Variants in WWOX observed in about 807,000 individuals in gnomAD.
WWOX encodes WW domain containing oxidoreductase, also known as WW domain-containing oxidoreductase.
WWOX carries 69 observed loss-of-function variants against 46.2 expected under a neutral mutation model. The ratio of observed to expected loss-of-function variants is 1.49; its 90% CI spans 1.23 to 1.82. The LOEUF is 1.82. Ranked by LOEUF, WWOX falls within the 40% of genes most tolerant of loss-of-function variation. The pLI, the probability that WWOX is intolerant of heterozygous loss-of-function variation, is 0.00. For synonymous variants in WWOX, 359 were observed against 202.6 expected, an observed-to-expected ratio of 1.77 and a Z score of -6.56; for missense variants, 919 against 542.6, an observed-to-expected ratio of 1.69 and a Z score of -6.89.
At chr16:78,246,451 G>A (rs1277157665) in intron 5 of WWOX, among the ~76,000 whole-genome samples, 1 of 152,102 alleles carries the variant, frequency 6.6e-6, no homozygotes, top group Non-Finnish European at 1.5e-5. Context: ...GAAGAGGGGG[G>A]AAACCTGTTG....
At chr16:78,640,588 C>G (rs773090445) in intron 8 of WWOX, among the ~76,000 whole-genome samples, 1 of 152,060 alleles carries the variant, frequency 6.6e-6, no homozygotes, top group Non-Finnish European at 1.5e-5. Flanking sequence ...CACACATTTA[C>G]CTATGTAACA....
At chr16:78,328,507 G>A (rs72792371) in intron 5 of WWOX, among the ~76,000 whole-genome samples, 4,593 of 152,238 alleles carry the variant, frequency 0.03, 122 homozygotes, top group African/African-American at 0.071. Flanking sequence ...TGATAATAGA[G>A]ATAATCCTGT....
chr16:78,995,408 A>G (rs2046970625), intron 8 of WWOX, among the ~76,000 whole-genome samples: 2 of 152,138 alleles, frequency 1.3e-5, no homozygotes, highest in Non-Finnish European at 1.5e-5. Flanking sequence ...GAAGATGAAA[A>G]GAAAGCCTTC....
chr16:78,596,620 A>G (rs55637758), intron 8 of WWOX, among the ~76,000 whole-genome samples: 2 of 152,306 alleles, frequency 1.3e-5, no homozygotes, highest in East Asian at 1.9e-4. Context: ...GACCTATGGA[A>G]CATGCTGATT....
At chr16:79,008,858 C>G (rs547300227) in intron 8 of WWOX, among the ~76,000 whole-genome samples, 1 of 151,374 alleles carries the variant, frequency 6.6e-6, no homozygotes, top group African/African-American at 2.4e-5. Flanking sequence ...GGTGGCAGGG[C>G]CTTTAATTGG....
At chr16:79,118,272 G>T (rs897673226) in intron 8 of WWOX, among the ~76,000 whole-genome samples, 2 of 152,224 alleles carry the variant, frequency 1.3e-5, no homozygotes, top group Non-Finnish European at 2.9e-5. Flanking sequence ...GAGAACAGCA[G>T]GTTGCTGGAG....
intron 8 of WWOX, among the ~76,000 whole-genome samples, chr16:79,035,614 A>G (rs2047851004): frequency 1.3e-5 from 2 of 152,288 alleles, no homozygotes; most frequent in South Asian, 4.1e-4. Flanking sequence ...ATCTTGGCTC[A>G]CTGCAACCTC....
chr16:78,133,590 T>G (rs2033684196), intron 4 of WWOX, among the ~76,000 whole-genome samples: 1 of 152,098 alleles, frequency 6.6e-6, no homozygotes, highest in Non-Finnish European at 1.5e-5. Flanking sequence ...GAGATGGGGT[T>G]TCACCATGTT....
At chr16:79,018,616 C>T (rs1055593098) in intron 8 of WWOX, among the ~76,000 whole-genome samples, 1 of 152,124 alleles carries the variant, frequency 6.6e-6, no homozygotes, top group Non-Finnish European at 1.5e-5. Flanking sequence ...GTCTATAAGA[C>T]ACCACCATTT....
intron 8 of WWOX, among the ~76,000 whole-genome samples, chr16:78,592,971 G>A (rs532354144): frequency 1.2e-4 from 19 of 152,290 alleles, no homozygotes; most frequent in African/African-American, 3.8e-4. Flanking sequence ...CTCTCCCAGT[G>A]GTGGTGATTT....
At position 78,260,756 on chromosome 16, in the gene WWOX, T is replaced by A. The variant is rs997148054; in HGVS notation, c.516+96467T>A. Among the ~76,000 whole-genome samples the A allele has an allele frequency of 4.0e-5, 6 of 149,916 alleles. 1 individual carries two copies. The highest frequency in any genetic ancestry group is 1.5e-4 in the African/African-American group (6 of 40,416). ...GAGTTTGAACCTAGCCTGGGCAACATGGTGAAACCCCGTCTGTACCAAACA... is the reference window on the plus strand; with the variant it reads ...GAGTTTGAACCTAGCCTGGGCAACAAGGTGAAACCCCGTCTGTACCAAACA... On this transcript the variant is annotated intron_variant, in intron 5 of 8. Coordinates refer to ENST00000566780, the MANE Select transcript of WWOX (RefSeq NM_016373.4).
At chr16:78,762,753 C>T (rs547007076) in intron 8 of WWOX, among the ~76,000 whole-genome samples, 1 of 152,196 alleles carries the variant, frequency 6.6e-6, no homozygotes, top group South Asian at 2.1e-4. Flanking sequence ...TACTACATCC[C>T]AGCTGTGTAT....
At chr16:78,938,031 C>G (rs572785557) in intron 8 of WWOX, among the ~76,000 whole-genome samples, 1 of 152,178 alleles carries the variant, frequency 6.6e-6, no homozygotes, top group African/African-American at 2.4e-5. Flanking sequence ...CCTCACCGTC[C>G]TATGGGGAGA....
chr16:78,543,329 A>C (rs1267581631), intron 8 of WWOX, among the ~76,000 whole-genome samples: 1 of 152,210 alleles, frequency 6.6e-6, no homozygotes, highest in Non-Finnish European at 1.5e-5. Context: ...GGAATGTCTC[A>C]TCCCCCTGTG....
chr16:78,389,570 A>G (rs973883059), intron 6 of WWOX, among the ~76,000 whole-genome samples: 5 of 152,140 alleles, frequency 3.3e-5, no homozygotes, highest in African/African-American at 1.2e-4. Context: ...TTTTGATTCA[A>G]TTCTCAAAGC....
At chr16:79,204,809 A>G (rs1013222342) in intron 8 of WWOX, 1 of 152,160 alleles carries the variant, frequency 6.6e-6, no homozygotes, top group Non-Finnish European at 1.5e-5. Context: ...AAGTTTTAGG[A>G]AAGAATTCTT....
chr16:78,775,497 C>T (rs969805295), intron 8 of WWOX, among the ~76,000 whole-genome samples: 6 of 152,138 alleles, frequency 3.9e-5, no homozygotes, highest in Admixed American at 1.3e-4. Context: ...AGAGAAGTCA[C>T]TGTAGCGCCC....
intron 6 of WWOX, among the ~76,000 whole-genome samples, chr16:78,392,890 T>C (rs1409657472): frequency 1.3e-5 from 2 of 152,146 alleles, no homozygotes; most frequent in East Asian, 1.9e-4. Context: ...GATTCTGTTA[T>C]TCTCCACTAA....
chr16:78,436,768 C>G (rs1014133585), intron 8 of WWOX, among the ~76,000 whole-genome samples: 1 of 151,546 alleles, frequency 6.6e-6, no homozygotes, highest in Non-Finnish European at 1.5e-5. Context: ...GGTCATTTTC[C>G]TAGTAAGATA....
Sources: gnomAD v4.1 joint callset for allele counts (sites outside exome capture counted in the v4.1 genomes callset) on GRCh38, gnomAD v4.1.1 for gene constraint, MANE v1.5 for transcripts, NCBI Gene and HGNC (gene_info 2026-07-23, HGNC 2026-07-21) for gene names.